CCDC178: variants seen among roughly 807,000 people sequenced by gnomAD.
CCDC178 encodes coiled-coil domain containing 178, also known as coiled-coil domain-containing protein 178.
A neutral mutation model predicts 117.4 loss-of-function variants in CCDC178; 126 were observed. The observed-to-expected ratio is 1.07, with a 90% CI of 0.93 to 1.24. CCDC178 has a LOEUF of 1.24. Among genes scored for constraint, CCDC178 ranks in the 50% most tolerant of loss-of-function variants. CCDC178 has a pLI of 0.00. For missense variants in CCDC178, 1,030 were observed against 986.9 expected (o/e 1.04, Z -0.59); for synonymous variants, 283 against 313.4 (o/e 0.90, Z 1.02).
chr18:33,271,162 T>C (rs1234413471), intron 12 of CCDC178, among the ~76,000 whole-genome samples: 2 of 151,290 alleles, frequency 1.3e-5, no homozygotes, highest in Middle Eastern at 3.2e-3. Context: ...AAGAAGGCAG[T>C]AATGAAGGAA....
intron 12 of CCDC178, among the ~76,000 whole-genome samples, chr18:33,279,515 T>C (rs2059994840): frequency 6.6e-6 from 1 of 152,068 alleles, no homozygotes; most frequent in Admixed American, 6.5e-5. Context: ...ATCGTGAAAA[T>C]GACCATACTT....
At chr18:33,242,395 T>C (rs573244055) in intron 15 of CCDC178, among the ~76,000 whole-genome samples, 1 of 151,488 alleles carries the variant, frequency 6.6e-6, no homozygotes, top group African/African-American at 2.4e-5. Context: ...AAAACAAAAA[T>C]AAACAAATTA....
chr18:33,094,485 GT>G (rs1012807142), intron 20 of CCDC178, among the ~76,000 whole-genome samples: 4 of 151,620 alleles, frequency 2.6e-5, no homozygotes, highest in South Asian at 4.2e-4. Context: ...TTGTTCATTT[GT>G]TTTTTTGATT....
intron 21 of CCDC178, among the ~76,000 whole-genome samples, chr18:33,074,139 T>C (rs1308729671): frequency 6.6e-6 from 1 of 151,972 alleles, no homozygotes; most frequent in Non-Finnish European, 1.5e-5. Context: ...ATCCTGAATA[T>C]AGGGGTAAGT....
intron 21 of CCDC178, among the ~76,000 whole-genome samples, chr18:33,038,629 T>C (rs1181325848): frequency 1.3e-5 from 2 of 152,010 alleles, no homozygotes; most frequent in African/African-American, 4.8e-5. Flanking sequence ...TCTCTTCTAC[T>C]ACATTTACAG....
intron 20 of CCDC178, among the ~76,000 whole-genome samples, chr18:33,202,673 A>G (rs970913770): frequency 6.6e-6 from 1 of 152,126 alleles, no homozygotes; most frequent in African/African-American, 2.4e-5. Flanking sequence ...TTTATCTGCA[A>G]CTAGTGCCTA....
At chr18:33,175,581 C>T (rs577733999) in intron 20 of CCDC178, among the ~76,000 whole-genome samples, 20 of 152,256 alleles carry the variant, frequency 1.3e-4, no homozygotes, top group South Asian at 4.1e-4. Context: ...TTTTGAACTT[C>T]GCAGAGGCAG....
At chr18:33,124,194 G>A (rs906334766) in intron 20 of CCDC178, among the ~76,000 whole-genome samples, 11 of 152,138 alleles carry the variant, frequency 7.2e-5, no homozygotes, top group African/African-American at 1.2e-4. Context: ...TTTATCCTCC[G>A]TAAACTTCAG....
intron 12 of CCDC178, among the ~76,000 whole-genome samples, chr18:33,277,182 T>A (rs1182813350): frequency 6.6e-6 from 1 of 152,088 alleles, no homozygotes; most frequent in Non-Finnish European, 1.5e-5. Context: ...GCAGATGAAA[T>A]AATAGCATTC....
At chr18:33,384,565 T>G (rs2063473579) in intron 5 of CCDC178, among the ~76,000 whole-genome samples, 1 of 152,158 alleles carries the variant, frequency 6.6e-6, no homozygotes, top group African/African-American at 2.4e-5. Context: ...CATTCAACAT[T>G]CTGAAAGAGA....
At chr18:33,344,821 A>T in intron 9 of CCDC178, among the ~76,000 whole-genome samples, 1 of 148,242 alleles carries the variant, frequency 6.7e-6, no homozygotes, top group Admixed American at 6.8e-5. Flanking sequence ...ACACACACAC[A>T]CACACACACA....
chr18:33,340,231 C>A lies in CCDC178; in HGVS notation c.658+5980G>T, dbSNP rs546289850. Among the ~76,000 whole-genome samples, 226 of 152,060 alleles carry A rather than the reference C, an allele frequency of 1.5e-3. 1 individual carries two copies. In the Middle Eastern group the frequency reaches 0.017, roughly 12 times the overall value. On this transcript the variant is annotated intron_variant, in intron 9 of 22. Transcript: ENST00000383096. The stretch of plus-strand genomic sequence containing the variant: ...AGACTGGTGGCATTTTGCCCCTGCC[C>A]CAGAGATATATGGAACTTTGAACTT...
intron 21 of CCDC178, among the ~76,000 whole-genome samples, chr18:33,010,537 C>T (rs2055842747): frequency 6.6e-6 from 1 of 152,048 alleles, no homozygotes; most frequent in African/African-American, 2.4e-5. Context: ...GTCCAGAAAA[C>T]ACATCTCAGT....
Position 33,179,118 on chromosome 18 carries a change from A to ATATATAAAC in CCDC178, c.2238+32777_2238+32778insGTTTATATA, listed in dbSNP as rs1555656317. Among the ~76,000 whole-genome samples, 138 of 104,390 alleles carry ATATATAAAC rather than the reference A, an allele frequency of 1.3e-3. 7 individuals carry two copies. The highest frequency in any genetic ancestry group is 2.5e-3 in the African/African-American group (75 of 30,056). The allele number at this position is 104,390 out of a possible 152,430, so 68.5% of individuals were successfully genotyped here. A position where few individuals can be genotyped will look rare whatever the true frequency, so the allele number is the denominator to read the frequency against. ...ATATATATATATATATAAACTATAT[A>ATATATAAAC]TATATATATAAACTATATATATATA... On this transcript the variant is annotated intron_variant, in intron 20 of 22. Coordinates refer to ENST00000383096, the MANE Select transcript of CCDC178 (RefSeq NM_001105528.4).
chr18:33,070,410 C>T (rs527567313), intron 21 of CCDC178, among the ~76,000 whole-genome samples: 1 of 152,086 alleles, frequency 6.6e-6, no homozygotes, highest in South Asian at 2.1e-4. Flanking sequence ...ATGAAATAAG[C>T]CAGGGATAAA....
At chr18:33,192,824 C>A (rs1033113872) in intron 20 of CCDC178, among the ~76,000 whole-genome samples, 1 of 150,212 alleles carries the variant, frequency 6.7e-6, no homozygotes, top group Non-Finnish European at 1.5e-5. Flanking sequence ...TCTCTTGAAC[C>A]CGGGAGGCGG....
At chr18:33,352,560 T>TC (rs529875205) in intron 7 of CCDC178, among the ~76,000 whole-genome samples, 2 of 152,252 alleles carry the variant, frequency 1.3e-5, no homozygotes, top group East Asian at 3.9e-4. Flanking sequence ...GCTCTAAATT[T>TC]CCCTCTGTGG....
At chr18:33,270,242 A>G (rs1426877160) in intron 12 of CCDC178, among the ~76,000 whole-genome samples, 1 of 151,672 alleles carries the variant, frequency 6.6e-6, no homozygotes, top group African/African-American at 2.4e-5. Flanking sequence ...GTTGTGTGAC[A>G]TTCCATGAAG....
intron 20 of CCDC178, among the ~76,000 whole-genome samples, chr18:33,136,807 T>A (rs990965847): frequency 7.9e-5 from 12 of 152,170 alleles, no homozygotes; most frequent in Admixed American, 7.2e-4. Context: ...CTATTTCATA[T>A]AATTTGTTGT....
Sources: allele counts gnomAD v4.1 joint callset (sites outside exome capture counted in the v4.1 genomes callset), GRCh38; gene constraint gnomAD v4.1.1; transcripts MANE v1.5; gene names NCBI Gene and HGNC (gene_info 2026-07-23, HGNC 2026-07-21).